KDM4C: variants seen among roughly 807,000 people sequenced by gnomAD.
KDM4C encodes lysine demethylase 4C, also known as lysine-specific demethylase 4C.
KDM4C carries 81 observed loss-of-function variants against 129.3 expected under a neutral mutation model. That is an observed-to-expected ratio of 0.63 (90% confidence interval 0.52 to 0.75). KDM4C has a LOEUF of 0.75. Ranked by LOEUF, KDM4C falls within the 30% of genes least tolerant of loss-of-function variation. The probability of loss-of-function intolerance (pLI) is 0.00; values close to 1 mark genes in which losing one functional copy is unlikely to be tolerated. For missense variants in KDM4C, 1,457 were observed against 1,304.0 expected (o/e 1.12, Z -1.81); for synonymous variants, 573 against 456.1 (o/e 1.26, Z -3.26).
intron 15 of KDM4C, among the ~76,000 whole-genome samples, chr9:7,031,130 G>GTTTGTTTA (rs376556912): frequency 0.047 from 6,644 of 141,164 alleles, 226 homozygotes; most frequent in South Asian, 0.12. Flanking sequence ...TATTTTACTT[G>GTTTGTTTA]TTTATTTATT....
chr9:6,770,591 CAGGT>C (rs1027478202), intron 1 of KDM4C, among the ~76,000 whole-genome samples: 3 of 149,768 alleles, frequency 2.0e-5, no homozygotes, highest in Non-Finnish European at 3.0e-5. Flanking sequence ...TTTTTTTTGA[CAGGT>C]AGTTAACAAA....
chr9:6,904,460 C>A (rs1052185146), intron 8 of KDM4C, among the ~76,000 whole-genome samples: 2 of 147,752 alleles, frequency 1.4e-5, no homozygotes, highest in African/African-American at 2.5e-5. Context: ...CATAAGAGTT[C>A]ATTGCACAGA....
intron 5 of KDM4C, among the ~76,000 whole-genome samples, chr9:6,861,871 A>G (rs1840997194): frequency 1.3e-5 from 2 of 151,332 alleles, no homozygotes; most frequent in Admixed American, 6.6e-5. Context: ...TCCCAGGTCC[A>G]AGCGATTCTC....
intron 18 of KDM4C, among the ~76,000 whole-genome samples, chr9:7,116,152 G>A (rs1029376291): frequency 6.6e-6 from 1 of 152,146 alleles, no homozygotes; most frequent in Non-Finnish European, 1.5e-5. Context: ...TGGAGCAGGA[G>A]ACATGGAGAA....
chr9:7,126,878 GA>G (rs1840077388), intron 18 of KDM4C, among the ~76,000 whole-genome samples: 2 of 151,882 alleles, frequency 1.3e-5, no homozygotes, highest in Non-Finnish European at 1.5e-5. Flanking sequence ...GAAAAAGAAA[GA>G]AAGAAAGATC....
intron 1 of KDM4C, among the ~76,000 whole-genome samples, chr9:6,732,726 G>A (rs140002411): frequency 2.0e-5 from 3 of 152,092 alleles, no homozygotes; most frequent in Admixed American, 6.6e-5. Context: ...GTACCACCAC[G>A]TGGTGGCTGG....
intron 8 of KDM4C, among the ~76,000 whole-genome samples, chr9:6,935,440 G>A (rs1477948042): frequency 2.0e-4 from 30 of 148,478 alleles, no homozygotes; most frequent in Admixed American, 2.0e-3. Flanking sequence ...TTTTTGAGAT[G>A]GAGTCTTGCT....
intron 1 of KDM4C, among the ~76,000 whole-genome samples, chr9:6,740,769 T>A (rs1009288997): frequency 6.7e-6 from 1 of 149,940 alleles, no homozygotes; most frequent in African/African-American, 2.5e-5. Flanking sequence ...TTCGCCCACC[T>A]CAGCCTCCCA....
At chr9:6,816,184 C>G (rs1004513652) in intron 4 of KDM4C, among the ~76,000 whole-genome samples, 1 of 152,170 alleles carries the variant, frequency 6.6e-6, no homozygotes, top group Non-Finnish European at 1.5e-5. Context: ...GATTTGGCAT[C>G]TATGGCATTC....
chr9:6,928,565 G>A (rs1009699267), intron 8 of KDM4C, among the ~76,000 whole-genome samples: 2 of 151,312 alleles, frequency 1.3e-5, no homozygotes, highest in Non-Finnish European at 2.9e-5. Context: ...ATGTTACGTC[G>A]GTATCCTGGA....
intron 16 of KDM4C, among the ~76,000 whole-genome samples, chr9:7,047,474 T>TA (rs1402537280): frequency 7.9e-5 from 12 of 152,016 alleles, no homozygotes; most frequent in African/African-American, 2.4e-4. Context: ...TAAGTGAACA[T>TA]AAAAGGAAGG....
At chr9:6,986,900 C>A in intron 11 of KDM4C, 1 of 425,860 alleles carries the variant, frequency 2.3e-6, no homozygotes, top group South Asian at 6.3e-5. Context: ...GCTTGATTTT[C>A]TTTTTTTTGT....
chr9:6,802,353 G>T (rs1226707456), intron 2 of KDM4C, among the ~76,000 whole-genome samples: 1 of 152,146 alleles, frequency 6.6e-6, no homozygotes, highest in East Asian at 1.9e-4. Context: ...CAATATCTAT[G>T]AAATTTGAAC....
At chr9:7,085,549 A>G (rs1271300344) in intron 17 of KDM4C, among the ~76,000 whole-genome samples, 2 of 152,198 alleles carry the variant, frequency 1.3e-5, no homozygotes, top group Non-Finnish European at 2.9e-5. Context: ...CTGGTCTAGG[A>G]TGACATTTAA....
intron 4 of KDM4C, among the ~76,000 whole-genome samples, chr9:6,825,700 A>G (rs141957057): frequency 6.6e-6 from 1 of 152,352 alleles, no homozygotes; most frequent in East Asian, 1.9e-4. Context: ...TTTTTCTTCA[A>G]TATTAATTTG....
Position 6,729,949 on chromosome 9 carries a change from A to T in KDM4C, c.49+8952A>T, listed in dbSNP as rs547759149. Among the ~76,000 whole-genome samples, 171 of 133,626 alleles carry T rather than the reference A, an allele frequency of 1.3e-3. 28 individuals are homozygous for T. Among genetic ancestry groups the T allele is most frequent in the Non-Finnish European group, 1.9e-3 (126 of 65,278 alleles). The allele number at this position is 133,626 out of a possible 152,430, so 87.7% of individuals were successfully genotyped here. A position where few individuals can be genotyped will look rare whatever the true frequency, so the allele number is the denominator to read the frequency against. ...ACATGGCGAAAATTAATCTCTACTAAATATACAAAAATTAGCTGGATGCGG... is the reference window on the plus strand; with the variant it reads ...ACATGGCGAAAATTAATCTCTACTATATATACAAAAATTAGCTGGATGCGG... On this transcript the variant is annotated intron_variant, in intron 1 of 17. Transcript: ENST00000536108.
chr9:6,878,755 T>C (rs181627639), intron 5 of KDM4C, among the ~76,000 whole-genome samples: 1 of 152,254 alleles, frequency 6.6e-6, no homozygotes, highest in African/African-American at 2.4e-5. Flanking sequence ...TGTATGTGTG[T>C]GATGAGGAAG....
rs7869284 is a variant in KDM4C, at chr9:6,803,220, G to A, written c.145-2379G>A. On this transcript the variant is annotated intron_variant, in intron 2 of 21. Coordinates refer to ENST00000381309, the MANE Select transcript of KDM4C (RefSeq NM_015061.6). Reference sequence around the variant, plus strand: ...TTGCTTTGTAATAATTCACAGAGCTGTGTGCTTGTGATTATGCATTTTCTA... The same window carrying A: ...TTGCTTTGTAATAATTCACAGAGCTATGTGCTTGTGATTATGCATTTTCTA... 4.1e-3 allele frequency among the ~76,000 whole-genome samples: 623 copies of A among 152,264 alleles called. 7 individuals are homozygous for A. The highest frequency in any genetic ancestry group is 0.014 in the African/African-American group (596 of 41,534).
chr9:6,851,780 A>G (rs1167260363), intron 5 of KDM4C, among the ~76,000 whole-genome samples: 1 of 152,190 alleles, frequency 6.6e-6, no homozygotes, highest in East Asian at 1.9e-4. Context: ...TGATCACTTC[A>G]GGAAGAATAT....
Sources: allele counts gnomAD v4.1 joint callset (sites outside exome capture counted in the v4.1 genomes callset), GRCh38; gene constraint gnomAD v4.1.1; transcripts MANE v1.5; gene names NCBI Gene and HGNC (gene_info 2026-07-23, HGNC 2026-07-21).